The following DAAM1 variants were observed in gnomAD, a reference collection of about 807,000 sequenced individuals.
DAAM1 encodes the protein disheveled-associated activator of morphogenesis 1.
A neutral mutation model predicts 130.0 loss-of-function variants in DAAM1; 52 were observed. That is an observed-to-expected ratio of 0.40 (90% CI 0.32 to 0.50). DAAM1 has a LOEUF of 0.50. Among genes scored for constraint, DAAM1 ranks in the 20% least tolerant of loss-of-function variants. The probability of loss-of-function intolerance (pLI) is 0.61; values close to 1 mark genes in which losing one functional copy is unlikely to be tolerated. For synonymous variants in DAAM1, 452 were observed against 444.5 expected, an observed-to-expected ratio of 1.02 and a Z score of -0.21; for missense variants, 1,134 against 1,303.8, an observed-to-expected ratio of 0.87 and a Z score of 2.01.
At chr14:59,196,529 G>A (rs1327406517) in intron 1 of DAAM1, among the ~76,000 whole-genome samples, 5 of 152,160 alleles carry the variant, frequency 3.3e-5, no homozygotes, top group African/African-American at 1.2e-4. Flanking sequence ...ATATCACAAG[G>A]TCAGGAAGTC....
intron 2 of DAAM1, among the ~76,000 whole-genome samples, chr14:59,280,001 G>C (rs939121396): frequency 6.6e-6 from 1 of 152,142 alleles, no homozygotes; most frequent in African/African-American, 2.4e-5. Context: ...AGCACCAGTT[G>C]TCATTAGGAA....
chr14:59,251,435 G>GTTT (rs35807716), intron 1 of DAAM1, among the ~76,000 whole-genome samples: 1 of 137,950 alleles, frequency 7.2e-6, no homozygotes, highest in Non-Finnish European at 1.6e-5. Context: ...ACTCCGCCGT[G>GTTT]TTTTTTTTTT....
chr14:59,204,253 A>G (rs1330733508), intron 1 of DAAM1, among the ~76,000 whole-genome samples: 2 of 152,192 alleles, frequency 1.3e-5, no homozygotes, highest in African/African-American at 2.4e-5. Context: ...GCTGGGGCTC[A>G]GGGGCTTCTT....
intron 3 of DAAM1, among the ~76,000 whole-genome samples, chr14:59,304,753 T>C (rs2139588846): frequency 6.6e-6 from 1 of 152,338 alleles, no homozygotes; most frequent in South Asian, 2.1e-4. Flanking sequence ...TTTATGGTGG[T>C]CTAAAATTAG....
intron 6 of DAAM1, 72 bp downstream of exon 6, chr14:59,323,297 C>T (rs1224628316): frequency 1.4e-6 from 2 of 1,428,696 alleles, no homozygotes; most frequent in African/African-American, 2.9e-5. Context: ...TTTCCTGTCC[C>T]TGAAAGGGGA....
In DAAM1 at chr14:59,228,298, T is replaced by C. The variant is rs563533117; in HGVS notation, c.-37-35143T>C. ...GTTCCAAGGATCTAATGGTTTCCCA[T>C]GACATAAGTTAGATGTTAAAGATGT... is the stretch of plus-strand genomic sequence containing the variant. On this transcript the variant is annotated intron_variant, in intron 1 of 24. Transcript: ENST00000360909. 1.6e-4 allele frequency among the ~76,000 whole-genome samples: 25 copies of C among 152,308 alleles called. No individual in the cohort carries two copies. The South Asian group carries it at 4.6e-3, about 28-fold the overall frequency.
At chr14:59,205,361 T>C (rs1359893929) in intron 1 of DAAM1, among the ~76,000 whole-genome samples, 1 of 152,218 alleles carries the variant, frequency 6.6e-6, no homozygotes, top group Non-Finnish European at 1.5e-5. Flanking sequence ...TTCCTATTAT[T>C]GAGAACAGTT....
intron 3 of DAAM1, among the ~76,000 whole-genome samples, chr14:59,305,000 A>G (rs1057284467): frequency 2.0e-5 from 3 of 152,370 alleles, no homozygotes; most frequent in African/African-American, 7.2e-5. Flanking sequence ...TGGTTACAGA[A>G]CATCAAAACC....
At chr14:59,296,445 C>T (rs1566689817) in intron 3 of DAAM1, among the ~76,000 whole-genome samples, 1 of 152,100 alleles carries the variant, frequency 6.6e-6, no homozygotes, top group Non-Finnish European at 1.5e-5. Flanking sequence ...GACAGAGAAT[C>T]TAGACTCTTG....
chr14:59,263,859 A>C (rs1882304002), intron 2 of DAAM1, 199 bp downstream of exon 2: 2 of 655,476 alleles, frequency 3.1e-6, no homozygotes, highest in Admixed American at 2.6e-5. Flanking sequence ...GTATTACTAC[A>C]TCCAAGTGCT....
rs1887043505 is a variant in DAAM1 at position 59,369,130 on chromosome 14, G to A, written c.*271G>A. ...CCTTTCGTGTATGCATTCACATTGA[G>A]TGTGGCTCATTTTCTTTCCCCGAAC... On this transcript the variant is annotated 3_prime_UTR_variant, in exon 25 of 25. Coordinates refer to ENST00000360909, the MANE Select transcript of DAAM1 (RefSeq NM_001270520.2). The A allele has an allele frequency of 6.3e-6, 2 of 315,202 alleles. No individual in the cohort carries two copies. Among genetic ancestry groups the A allele is most frequent in the South Asian group, 5.4e-5 (1 of 18,482 alleles). 19.5% of individuals were successfully genotyped at this position (315,202 alleles called of 1,614,324 possible).
chr14:59,255,222 G>C (rs1419462161), intron 1 of DAAM1, among the ~76,000 whole-genome samples: 2 of 152,176 alleles, frequency 1.3e-5, no homozygotes, highest in African/African-American at 4.8e-5. Flanking sequence ...TGCCCTATTA[G>C]AACATCCTTT....
intron 3 of DAAM1, among the ~76,000 whole-genome samples, chr14:59,300,246 T>C (rs1884115342): frequency 6.6e-6 from 1 of 152,168 alleles, no homozygotes; most frequent in South Asian, 2.1e-4. Context: ...TAGGTTGGAG[T>C]GAGCCAGATT....
At chr14:59,366,335 T>A (rs1018267259) in intron 23 of DAAM1, among the ~76,000 whole-genome samples, 3 of 152,228 alleles carry the variant, frequency 2.0e-5, no homozygotes, top group African/African-American at 4.8e-5. Context: ...AAAGATTCCA[T>A]ACTCAGTTGC....
Position 59,324,442 on chromosome 14 carries a change from C to A in DAAM1, c.977C>A (p.Ser326Ter). Reference protein sequence around the residue: ...VIDKLREHENSTLDRHLDFFE... With the variant: ...VIDKLREHEN ...GATAAATTAAGGGAACACGAAAATT[C>A]AACATTAGATAGGTAAGTCAGACTA... Residue 326 changes from serine (S) to a stop codon, truncating the protein, a stop_gained, in exon 8 of 25, where the codon TCA (serine) becomes TAA (stop). Coordinates refer to ENST00000360909, the MANE Select transcript of DAAM1 (RefSeq NM_001270520.2). LOFTEE classifies it high-confidence loss of function. 3 of 1,580,854 alleles carry A rather than the reference C, an allele frequency of 1.9e-6. No homozygotes were observed. In the South Asian group the frequency reaches 3.6e-5, roughly 19 times the overall value.
At chr14:59,288,619 G>A (rs2139559379) in intron 2 of DAAM1, among the ~76,000 whole-genome samples, 1 of 152,176 alleles carries the variant, frequency 6.6e-6, no homozygotes, top group South Asian at 2.1e-4. Flanking sequence ...TGAAAAGAAG[G>A]CATGCATGCA....
At chr14:59,329,342 A>G (rs1349362787) in intron 12 of DAAM1, among the ~76,000 whole-genome samples, 3 of 152,164 alleles carry the variant, frequency 2.0e-5, no homozygotes, top group Non-Finnish European at 4.4e-5. Flanking sequence ...TGGGATATAG[A>G]GAGGTCATTT....
At chr14:59,200,855 C>T (rs1373746046) in intron 1 of DAAM1, among the ~76,000 whole-genome samples, 1 of 152,054 alleles carries the variant, frequency 6.6e-6, no homozygotes, top group African/African-American at 2.4e-5. Context: ...GCCCATTCTA[C>T]AGGATTCTTA....
At chr14:59,361,365 G>A (rs1021155701) in intron 22 of DAAM1, among the ~76,000 whole-genome samples, 2 of 152,120 alleles carry the variant, frequency 1.3e-5, no homozygotes, top group African/African-American at 4.8e-5. Flanking sequence ...TGCAATAATC[G>A]GAGCAGCCAC....
Sources: allele counts gnomAD v4.1 joint callset (sites outside exome capture counted in the v4.1 genomes callset), GRCh38; gene constraint gnomAD v4.1.1; transcripts MANE v1.5; gene names NCBI Gene and HGNC (gene_info 2026-07-23, HGNC 2026-07-21).